Variants in WFDC8 observed in about 807,000 individuals in gnomAD.
WFDC8 encodes the protein WAP four-disulfide core domain protein 8.
Under a neutral mutation model 27.0 loss-of-function variants are expected in WFDC8, and 24 were observed. The observed-to-expected ratio is 0.89, with a 90% confidence interval of 0.64 to 1.25. The LOEUF is 1.25. WFDC8 is among the 50% of genes most tolerant of loss of function. The pLI is 0.00. For missense variants in WFDC8, 287 were observed against 295.9 expected, an observed-to-expected ratio of 0.97 and a Z score of 0.22; for synonymous variants, 106 against 99.7, an observed-to-expected ratio of 1.06 and a Z score of -0.38.
chr20:45,576,030 C>T lies in WFDC8; in HGVS notation c.26+3192G>A, dbSNP rs902087923. ...TGAGTAAGTAAGTAAATTAGTAAGC[C>T]TCGTCCAAAGATATTTTCTTCTAAA... On this transcript the variant is annotated intron_variant, in intron 1 of 5. Transcript: ENST00000289953. Among the ~76,000 whole-genome samples, 17 of 151,366 alleles carry T rather than the reference C, an allele frequency of 1.1e-4. 1 individual carries two copies. The highest frequency in any genetic ancestry group is 7.2e-4 in the Admixed American group (11 of 15,188).
At chr20:45,562,040 G>T (rs1980489410) in intron 2 of WFDC8, 70 bp downstream of exon 2, 2 of 1,411,690 alleles carry the variant, frequency 1.4e-6, no homozygotes, top group Non-Finnish European at 9.9e-7. Context: ...ACTGGCACTG[G>T]CCTCATGTCT....
At chr20:45,556,275 A>T (rs1488030826) in intron 3 of WFDC8, among the ~76,000 whole-genome samples, 2 of 152,234 alleles carry the variant, frequency 1.3e-5, no homozygotes, top group East Asian at 3.8e-4. Flanking sequence ...TATATCATAT[A>T]TCATTTTAAT....
At chr20:45,564,988 A>G (rs1980614331) in intron 1 of WFDC8, among the ~76,000 whole-genome samples, 1 of 148,696 alleles carries the variant, frequency 6.7e-6, no homozygotes, top group Admixed American at 6.8e-5. Flanking sequence ...AGAAGGAAGG[A>G]AAAGGAAAGG....
Position 45,555,879 on chromosome 20 carries a change from G to A in WFDC8, c.278-11C>T. 1 of 1,612,506 alleles carries A rather than the reference G, an allele frequency of 6.2e-7. No individual in the cohort carries two copies. Among genetic ancestry groups the A allele is most frequent in the Non-Finnish European group, 8.5e-7 (1 of 1,178,768 alleles). On this transcript the variant is annotated splice_polypyrimidine_tract_variant and intron_variant, in intron 3 of 5. Coordinates refer to ENST00000289953, the MANE Select transcript of WFDC8 (RefSeq NM_130896.3). ...GTAGCATGCAGGGTTCTGAGGTCAG[G>A]AAGCAAGGAAAGAAGGATATGAAGA...
chr20:45,574,269 C>T (rs1980967985), intron 1 of WFDC8, among the ~76,000 whole-genome samples: 1 of 152,130 alleles, frequency 6.6e-6, no homozygotes, highest in South Asian at 2.1e-4. Flanking sequence ...TGACTTCATT[C>T]TACCAAACAT....
At chr20:45,558,277 G>T (rs1479977872) in intron 3 of WFDC8, among the ~76,000 whole-genome samples, 1 of 152,178 alleles carries the variant, frequency 6.6e-6, no homozygotes, top group Non-Finnish European at 1.5e-5. Flanking sequence ...TTACTGAAAT[G>T]CCTCATACTT....
chr20:45,562,781 C>T (rs866405375), intron 1 of WFDC8, among the ~76,000 whole-genome samples: 1 of 152,190 alleles, frequency 6.6e-6, no homozygotes, highest in Non-Finnish European at 1.5e-5. Context: ...TCCCAGACAA[C>T]CAGATGAACA....
intron 1 of WFDC8, among the ~76,000 whole-genome samples, chr20:45,575,220 C>T (rs1429313232): frequency 6.6e-6 from 1 of 152,172 alleles, no homozygotes; most frequent in African/African-American, 2.4e-5. Context: ...GGAAAGAAAG[C>T]GACGAAATTG....
chr20:45,570,216 T>G (rs1980822674), intron 1 of WFDC8, among the ~76,000 whole-genome samples: 1 of 152,026 alleles, frequency 6.6e-6, no homozygotes, highest in Non-Finnish European at 1.5e-5. Context: ...ATGACATGAA[T>G]AAAAGACTTC....
chr20:45,560,359 G>T (rs938069411), intron 2 of WFDC8, among the ~76,000 whole-genome samples: 2 of 152,200 alleles, frequency 1.3e-5, no homozygotes, highest in Non-Finnish European at 2.9e-5. Context: ...CTACAGCCCT[G>T]GCTGACATTT....
intron 1 of WFDC8, chr20:45,567,930 A>G (rs1226423773): frequency 9.8e-6 from 2 of 205,124 alleles, no homozygotes; most frequent in Non-Finnish European, 2.1e-5. Context: ...GACTCAAGCC[A>G]TCCTCCTGCT....
At chr20:45,554,678 C>T (rs1392060475) in intron 4 of WFDC8, among the ~76,000 whole-genome samples, 1 of 152,180 alleles carries the variant, frequency 6.6e-6, no homozygotes, top group Non-Finnish European at 1.5e-5. Flanking sequence ...AGACAAGGCT[C>T]TTGTCCACAG....
rs1369566680 is a variant in WFDC8, at chr20:45,579,212, C to A, written c.26+10G>T. 6.2e-7 allele frequency: 1 copy of A among 1,613,614 alleles called. No homozygotes were observed. Among genetic ancestry groups the A allele is most frequent in the African/African-American group, 1.3e-5 (1 of 74,818 alleles). ...GTCTGGCTACCCACCCCCATAGACA[C>A]CCTCCTCACCCTCCTTCAGTTCGGA... On this transcript the variant is annotated intron_variant, in intron 1 of 5. Transcript: ENST00000289953.
In WFDC8 at chr20:45,579,241, T is replaced by C; in HGVS notation, c.7A>G (p.Thr3Ala). The C allele has an allele frequency of 6.2e-7, 1 of 1,613,764 alleles. No individual in the cohort carries two copies. Among genetic ancestry groups the C allele is most frequent in the South Asian group, 1.1e-5 (1 of 91,064 alleles). The change falls in exon 1 of 6, where the codon ACT (threonine) becomes GCT (alanine). Residue 3 changes from threonine to alanine, a missense_variant. By Grantham distance (58) the Thr-to-Ala change is moderately conservative (BLOSUM62 0). Coordinates refer to ENST00000289953, the MANE Select transcript of WFDC8 (RefSeq NM_130896.3). The stretch of plus-strand genomic sequence containing the variant: ...CCTCACCCTCCTTCAGTTCGGACAG[T>C]CCACATCAGGCCTCTTCCCTATGGA... MW[T>A]VRTEGGHFPL...
intron 1 of WFDC8, among the ~76,000 whole-genome samples, chr20:45,569,286 A>G (rs995058138): frequency 6.6e-6 from 1 of 152,228 alleles, no homozygotes; most frequent in Non-Finnish European, 1.5e-5. Flanking sequence ...GCAACTTACT[A>G]GAAGTTCAAA....
chr20:45,557,510 G>T (rs1297316367), intron 3 of WFDC8, among the ~76,000 whole-genome samples: 2 of 152,174 alleles, frequency 1.3e-5, no homozygotes, highest in East Asian at 3.9e-4. Flanking sequence ...TCAGCTCATT[G>T]CAACCTCTGC....
At chr20:45,568,079 T>C (rs1423342473) in intron 1 of WFDC8, 3 of 341,272 alleles carry the variant, frequency 8.8e-6, no homozygotes, top group Non-Finnish European at 1.8e-5. Context: ...AAGCTGTTGC[T>C]GTGCGCAGGT....
At position 45,573,115 on chromosome 20, in the gene WFDC8, A is replaced by G. The variant is rs1980926244; in HGVS notation, c.26+6107T>C. On this transcript the variant is annotated intron_variant, in intron 1 of 5. Coordinates refer to ENST00000289953, the MANE Select transcript of WFDC8 (RefSeq NM_130896.3). The stretch of plus-strand genomic sequence containing the variant: ...TTCTTTGCTATGCAAACGCTTTGTA[A>G]TTTAATGTAATCTCACTTGTCTAGT... Among the ~76,000 whole-genome samples the G allele has an allele frequency of 2.0e-5, 3 of 152,100 alleles. No homozygotes were observed. In the South Asian group the frequency reaches 6.2e-4, roughly 31 times the overall value.
At chr20:45,571,492 A>C (rs1338218302) in intron 1 of WFDC8, among the ~76,000 whole-genome samples, 1 of 152,212 alleles carries the variant, frequency 6.6e-6, no homozygotes, top group East Asian at 1.9e-4. Flanking sequence ...AAATTAGAAC[A>C]TTTCTGTAGC....
Sources: allele counts gnomAD v4.1 joint callset (sites outside exome capture counted in the v4.1 genomes callset), GRCh38; gene constraint gnomAD v4.1.1; transcripts MANE v1.5; gene names NCBI Gene and HGNC (gene_info 2026-07-23, HGNC 2026-07-21).